Variants in ADGRL2 observed in about 807,000 individuals in gnomAD.
ADGRL2 encodes adhesion G protein-coupled receptor L2, also known as calcium-independent alpha-latrotoxin receptor 2.
In ADGRL2, 44 loss-of-function variants were observed where a neutral mutation model predicts 157.4. The ratio of observed to expected loss-of-function variants is 0.28; its 90% CI spans 0.22 to 0.36. ADGRL2 has a LOEUF of 0.36. Ranked by LOEUF, ADGRL2 falls within the 10% of genes least tolerant of loss-of-function variation. The pLI, the probability that ADGRL2 is intolerant of heterozygous loss-of-function variation, is 1.00. For missense variants in ADGRL2, 1,510 were observed against 1,768.9 expected, an observed-to-expected ratio of 0.85 and a Z score of 2.63; for synonymous variants, 585 against 624.7, an observed-to-expected ratio of 0.94 and a Z score of 0.95.
At chr1:81,524,672 A>T (rs541708813) in intron 2 of ADGRL2, among the ~76,000 whole-genome samples, 1 of 152,340 alleles carries the variant, frequency 6.6e-6, no homozygotes, top group South Asian at 2.1e-4. Context: ...AATTTATATT[A>T]ACAACAACAA....
intron 2 of ADGRL2, among the ~76,000 whole-genome samples, chr1:81,541,279 A>G (rs1488225687): frequency 6.6e-6 from 1 of 152,210 alleles, no homozygotes; most frequent in Non-Finnish European, 1.5e-5. Context: ...TTTCCTGTGC[A>G]AGAACCAGGA....
intron 1 of ADGRL2, among the ~76,000 whole-genome samples, chr1:81,349,842 A>G (rs1361129100): frequency 6.6e-6 from 1 of 152,020 alleles, no homozygotes; most frequent in Non-Finnish European, 1.5e-5. Flanking sequence ...GTAATGTTTC[A>G]TTAGGAAGGC....
At chr1:81,649,827 A>G (rs894315753) in intron 3 of ADGRL2, among the ~76,000 whole-genome samples, 1 of 152,194 alleles carries the variant, frequency 6.6e-6, no homozygotes, top group Non-Finnish European at 1.5e-5. Flanking sequence ...CTGATGGAAA[A>G]GCACTGACTC....
In ADGRL2 at chr1:81,319,101, C is replaced by T. The variant is rs568890567; in HGVS notation, c.-302+12592C>T. On this transcript the variant is annotated intron_variant, in intron 1 of 24. Transcript: ENST00000370721. ...GGATTACAGGCATGCACCACCACCCCGGCTAATTTTGTATTTTTTTTTTTT... is the reference window on the plus strand; with the variant it reads ...GGATTACAGGCATGCACCACCACCCTGGCTAATTTTGTATTTTTTTTTTTT... 8.6e-5 allele frequency among the ~76,000 whole-genome samples: 13 copies of T among 151,530 alleles called. 1 individual carries two copies. The East Asian group carries it at 1.8e-3, about 20-fold the overall frequency.
At chr1:81,317,954 G>A (rs548742951) in intron 1 of ADGRL2, among the ~76,000 whole-genome samples, 7 of 152,136 alleles carry the variant, frequency 4.6e-5, no homozygotes, top group South Asian at 2.1e-4. Context: ...ATGACATTCC[G>A]TGATTGTATC....
At chr1:81,906,462 T>A (rs2094586408) in intron 2 of ADGRL2, among the ~76,000 whole-genome samples, 1 of 152,194 alleles carries the variant, frequency 6.6e-6, no homozygotes, top group Non-Finnish European at 1.5e-5. Flanking sequence ...GTGTCAGTTT[T>A]AAATAAAGGG....
intron 2 of ADGRL2, among the ~76,000 whole-genome samples, chr1:81,847,059 G>T (rs1311377772): frequency 1.3e-5 from 2 of 151,346 alleles, no homozygotes; most frequent in African/African-American, 4.9e-5. Context: ...CATTTCTCCA[G>T]TTGGAAGGAA....
At chr1:81,311,819 G>A (rs2100554013) in intron 1 of ADGRL2, among the ~76,000 whole-genome samples, 1 of 152,246 alleles carries the variant, frequency 6.6e-6, no homozygotes, top group African/African-American at 2.4e-5. Context: ...AAGTTAAAAG[G>A]AGAGGCAACT....
rs376755448 is a variant in ADGRL2 at position 81,324,968 on chromosome 1, C to T, written c.-302+18459C>T. Among the ~76,000 whole-genome samples the T allele has an allele frequency of 3.4e-4, 52 of 152,162 alleles. No individual in the cohort carries two copies. In the East Asian group the frequency reaches 6.2e-3, roughly 18 times the overall value. On this transcript the variant is annotated intron_variant, in intron 1 of 24. Coordinates refer to the ADGRL2 transcript ENST00000370721. ...CTGGCCTCAGGTGATCCACCCACCC[C>T]GACCTCCCAAAGTGCTGGGATTACA...
At chr1:81,479,815 G>A (rs1474255457) in intron 2 of ADGRL2, among the ~76,000 whole-genome samples, 1 of 152,080 alleles carries the variant, frequency 6.6e-6, no homozygotes, top group Non-Finnish European at 1.5e-5. Context: ...CTTAAATTTT[G>A]TGGAATTATT....
chr1:81,928,410 A>G lies in ADGRL2; in HGVS notation c.288-8318A>G, dbSNP rs182921396. Reference sequence around the variant, plus strand: ...TTTATTTATGAGCAGAAATAGCCAGATAATCATTAATCATTATTTAATTTT... The same window carrying G: ...TTTATTTATGAGCAGAAATAGCCAGGTAATCATTAATCATTATTTAATTTT... On this transcript the variant is annotated intron_variant, in intron 3 of 23. Transcript: ENST00000686636. 5.3e-5 allele frequency among the ~76,000 whole-genome samples: 8 copies of G among 152,230 alleles called. No homozygotes were observed. In the East Asian group the frequency reaches 1.5e-3, roughly 29 times the overall value.
chr1:81,400,369 A>T (rs1357404315), intron 1 of ADGRL2, among the ~76,000 whole-genome samples: 5 of 152,062 alleles, frequency 3.3e-5, no homozygotes, highest in African/African-American at 1.2e-4. Flanking sequence ...GCAGAGATGA[A>T]TGTAGGTTGC....
intron 11 of ADGRL2, among the ~76,000 whole-genome samples, chr1:81,961,870 A>T (rs1655515187): frequency 6.6e-6 from 1 of 152,156 alleles, no homozygotes; most frequent in Admixed American, 6.5e-5. Flanking sequence ...TGATATGTGT[A>T]TCTGTAGTTC....
intron 1 of ADGRL2, among the ~76,000 whole-genome samples, chr1:81,806,313 C>G (rs2089142627): frequency 6.6e-6 from 1 of 151,990 alleles, no homozygotes; most frequent in African/African-American, 2.4e-5. Flanking sequence ...TAATACAAGT[C>G]TAAATTTAAG....
intron 1 of ADGRL2, among the ~76,000 whole-genome samples, chr1:81,746,991 CGT>C (rs1557615650): frequency 1.4e-5 from 2 of 144,882 alleles, no homozygotes; most frequent in Non-Finnish European, 3.0e-5. Flanking sequence ...TGTGTATATA[CGT>C]ATATACGTGT....
chr1:81,804,363 C>T (rs966449747), intron 1 of ADGRL2, among the ~76,000 whole-genome samples: 1 of 152,208 alleles, frequency 6.6e-6, no homozygotes, highest in Admixed American at 6.5e-5. Context: ...TCACATCATT[C>T]TGCACAAATT....
At chr1:81,348,479 TG>T (rs1212917305) in intron 1 of ADGRL2, among the ~76,000 whole-genome samples, 1 of 152,108 alleles carries the variant, frequency 6.6e-6, no homozygotes, top group Non-Finnish European at 1.5e-5. Flanking sequence ...AGTGGTGATA[TG>T]GGGAGGGGGT....
chr1:81,832,722 C>G (rs747413783), intron 1 of ADGRL2, among the ~76,000 whole-genome samples: 1 of 152,124 alleles, frequency 6.6e-6, no homozygotes, highest in South Asian at 2.1e-4. Context: ...ATTGCCAGCC[C>G]CAGCCCTATC....
rs374804419 is a variant in ADGRL2 at position 81,878,719 on chromosome 1, G to A, written c.74-28298G>A. On this transcript the variant is annotated intron_variant, in intron 2 of 23. Transcript: ENST00000686636. ...CATTCTTTTCAACTATTTTGTAACTGTAAAATAGCTCAATGTCACATAAAA... is the reference window on the plus strand; with the variant it reads ...CATTCTTTTCAACTATTTTGTAACTATAAAATAGCTCAATGTCACATAAAA... Among the ~76,000 whole-genome samples the A allele has an allele frequency of 7.9e-5, 12 of 152,224 alleles. No individual in the cohort carries two copies. In the East Asian group the frequency reaches 1.5e-3, roughly 20 times the overall value.
Sources: gnomAD v4.1 joint callset for allele counts (sites outside exome capture counted in the v4.1 genomes callset) on GRCh38, gnomAD v4.1.1 for gene constraint, MANE v1.5 for transcripts, NCBI Gene and HGNC (gene_info 2026-07-23, HGNC 2026-07-21) for gene names.